The following TBCCD1 variants were observed in gnomAD, a reference collection of about 807,000 sequenced individuals.
The protein encoded by TBCCD1 is TBCC domain containing 1.
In TBCCD1, 26 loss-of-function variants were observed where a neutral mutation model predicts 53.4. The observed-to-expected ratio is 0.49, with a 90% CI of 0.36 to 0.68. The LOEUF (loss-of-function observed/expected upper bound fraction) is 0.68. Ranked by LOEUF, TBCCD1 falls within the 30% of genes least tolerant of loss-of-function variation. The probability of loss-of-function intolerance (pLI) is 0.00; values close to 1 mark genes in which losing one functional copy is unlikely to be tolerated. For synonymous variants in TBCCD1, 245 were observed against 241.7 expected (o/e 1.01, Z -0.13); for missense variants, 558 against 669.5 (o/e 0.83, Z 1.84).
rs1714223808 is a variant in TBCCD1 at position 186,546,802 on chromosome 3, G to C, written c.*175C>G. 1 of 147,418 alleles carries C rather than the reference G, an allele frequency of 6.8e-6. No individual in the cohort carries two copies. The highest frequency in any genetic ancestry group is 2.1e-4 in the South Asian group (1 of 4,690). 9.1% of individuals were successfully genotyped at this position (147,418 alleles called of 1,614,324 possible). A position where few individuals can be genotyped will look rare whatever the true frequency, so the allele number is the denominator to read the frequency against. On this transcript the variant is annotated 3_prime_UTR_variant, in exon 8 of 8. Transcript: ENST00000338733. The stretch of plus-strand genomic sequence containing the variant: ...GCCGAGATCGCGCCACTGCACTCCA[G>C]CCTGGGCGACAGAACAAGACTCTGC...
chr3:186,550,565 G>A (rs1187333390), intron 7 of TBCCD1, among the ~76,000 whole-genome samples: 6 of 150,754 alleles, frequency 4.0e-5, no homozygotes, highest in Non-Finnish European at 7.4e-5. Flanking sequence ...CAGCCTGGGC[G>A]AGAGACAGAG....
In TBCCD1 at chr3:186,556,751, C is replaced by T. The variant is rs765712442; in HGVS notation, c.517G>A (p.Ala173Thr). 12 of 1,613,888 alleles carry T rather than the reference C, an allele frequency of 7.4e-6. No individual in the cohort carries two copies. The East Asian group carries it at 2.5e-4, about 33-fold the overall frequency. The change falls in exon 4 of 8, where the codon GCT becomes ACT. Residue 173 changes from alanine to threonine, a missense_variant. Ala to Thr is a moderately conservative substitution (Grantham distance 58). Transcript: ENST00000338733. ...NKNWNDYSHQ[A>T]FVYDHLSDLL... ...TCAGACAGATGATCATAGACAAAAGCTTGGTGACTGTAATCATTCCAGTTC... is the reference window on the plus strand; with the variant it reads ...TCAGACAGATGATCATAGACAAAAGTTTGGTGACTGTAATCATTCCAGTTC...
intron 6 of TBCCD1, among the ~76,000 whole-genome samples, chr3:186,551,870 G>A (rs1020692161): frequency 2.0e-5 from 3 of 152,094 alleles, no homozygotes; most frequent in Non-Finnish European, 4.4e-5. Context: ...CCAGCTACTC[G>A]GGAGGCTGAG....
chr3:186,550,021 GT>G (rs1452362290), intron 7 of TBCCD1, among the ~76,000 whole-genome samples: 2 of 152,030 alleles, frequency 1.3e-5, no homozygotes, highest in Non-Finnish European at 2.9e-5. Context: ...GAGTTTAGGA[GT>G]TCAAGATCAG....
chr3:186,555,165 A>G, intron 4 of TBCCD1, 81 bp from the exon 5 acceptor site: 9 of 1,316,858 alleles, frequency 6.8e-6, no homozygotes, highest in Non-Finnish European at 9.2e-6. Flanking sequence ...ACACGTCTAC[A>G]TGTATATATG....
intron 2 of TBCCD1, among the ~76,000 whole-genome samples, chr3:186,561,515 C>T (rs1031468219): frequency 2.6e-5 from 4 of 152,158 alleles, no homozygotes; most frequent in African/African-American, 7.2e-5. Context: ...TAGGGCCGGG[C>T]GCGGTGGCTC....
At chr3:186,570,321 AATTCC>A, upstream of TBCCD1, 3 of 538,030 alleles carry the variant, frequency 5.6e-6, no homozygotes, top group Non-Finnish European at 1.0e-5. Context: ...GTATGAATGA[AATTCC>A]GGGCTTGTAG....
At chr3:186,568,594 G>A (rs1714902708), upstream of TBCCD1, among the ~76,000 whole-genome samples, 1 of 152,072 alleles carries the variant, frequency 6.6e-6, no homozygotes, top group African/African-American at 2.4e-5. Context: ...TGTAAGTCTA[G>A]GGACCAGGGA....
chr3:186,550,652 T>C (rs1392171291), intron 7 of TBCCD1, among the ~76,000 whole-genome samples: 2 of 152,190 alleles, frequency 1.3e-5, no homozygotes, highest in African/African-American at 4.8e-5. Flanking sequence ...TTTGTATGCA[T>C]ATTCTCTTCT....
intron 1 of TBCCD1, among the ~76,000 whole-genome samples, chr3:186,565,356 C>T (rs900552265): frequency 1.3e-5 from 2 of 152,070 alleles, no homozygotes; most frequent in South Asian, 2.1e-4. Flanking sequence ...AGTGATCCCT[C>T]GCCTCAGCTT....
At position 186,561,727 on chromosome 3, in the gene TBCCD1, T is replaced by C. The variant is rs145829868; in HGVS notation, c.336+2267A>G. ...TGGTGTGAACCTGGGAGGTGGAGCTTGCAATGAGCTGAGATCGCGCCACCG... is the reference window on the plus strand; with the variant it reads ...TGGTGTGAACCTGGGAGGTGGAGCTCGCAATGAGCTGAGATCGCGCCACCG... On this transcript the variant is annotated intron_variant, in intron 2 of 7. Transcript: ENST00000338733. Among the ~76,000 whole-genome samples the C allele has an allele frequency of 1.5e-4, 23 of 152,018 alleles. 1 individual carries two copies. In the East Asian group the frequency reaches 2.3e-3, roughly 15 times the overall value.
At chr3:186,555,193 C>T in intron 4 of TBCCD1, 109 bp from the exon 5 acceptor site, 2 of 1,001,512 alleles carry the variant, frequency 2.0e-6, no homozygotes, top group Non-Finnish European at 2.8e-6. Context: ...TTAGATACCA[C>T]ATGTAGGGAC....
chr3:186,551,328 T>G (rs1217434205), intron 6 of TBCCD1, 49 bp from the exon 7 acceptor site: 1 of 1,503,036 alleles, frequency 6.7e-7, no homozygotes, highest in Non-Finnish European at 9.2e-7. Context: ...TGAATTCATA[T>G]AAATTGTACT....
chr3:186,568,651 A>T (rs56841977), upstream of TBCCD1, among the ~76,000 whole-genome samples: 41,202 of 151,962 alleles, frequency 0.27, 7,119 homozygotes, highest in African/African-American at 0.49. Context: ...CTATAATCCC[A>T]GCAGTTTGGG....
intron 3 of TBCCD1, among the ~76,000 whole-genome samples, chr3:186,558,061 A>G (rs1191348852): frequency 6.6e-6 from 1 of 152,210 alleles, no homozygotes; most frequent in Admixed American, 6.5e-5. Flanking sequence ...AATTTTTTTC[A>G]GTAGATTTCA....
chr3:186,559,543 A>C, intron 2 of TBCCD1, among the ~76,000 whole-genome samples: 1 of 152,162 alleles, frequency 6.6e-6, no homozygotes, highest in East Asian at 1.9e-4. Flanking sequence ...AGGAGAGGCA[A>C]AAAAGTAAAG....
intron 7 of TBCCD1, among the ~76,000 whole-genome samples, chr3:186,549,300 A>T (rs1714302061): frequency 1.3e-5 from 2 of 152,064 alleles, no homozygotes. Flanking sequence ...AAATAAATAA[A>T]TAAATTAATT....
upstream of TBCCD1, chr3:186,569,956 T>G: frequency 3.5e-6 from 2 of 568,948 alleles, no homozygotes; most frequent in South Asian, 2.2e-5. Context: ...TAATAATGGT[T>G]TTTACTCGTT....
chr3:186,555,633 A>G (rs537875925), intron 4 of TBCCD1, among the ~76,000 whole-genome samples: 3 of 152,040 alleles, frequency 2.0e-5, no homozygotes, highest in Non-Finnish European at 4.4e-5. Flanking sequence ...ATCTCAGTTC[A>G]CTGTAACCTC....
Sources: allele counts gnomAD v4.1 joint callset (sites outside exome capture counted in the v4.1 genomes callset), GRCh38; gene constraint gnomAD v4.1.1; transcripts MANE v1.5; gene names NCBI Gene and HGNC (gene_info 2026-07-23, HGNC 2026-07-21).